Variants in MYH11 observed in about 807,000 individuals in gnomAD.
MYH11 encodes the protein myosin-11.
In MYH11, 80 loss-of-function variants were observed where a neutral mutation model predicts 246.6. That is an observed-to-expected ratio of 0.32 (90% CI 0.27 to 0.39). MYH11 has a LOEUF of 0.39. Ranked by LOEUF, MYH11 falls within the 10% of genes least tolerant of loss-of-function variation. The pLI, the probability that MYH11 is intolerant of heterozygous loss-of-function variation, is 1.00. For missense variants in MYH11, 2,158 were observed against 2,546.8 expected, an observed-to-expected ratio of 0.85 and a Z score of 3.29; for synonymous variants, 1,071 against 1,015.5, an observed-to-expected ratio of 1.05 and a Z score of -1.04.
chr16:15,782,291 G>A, intron 6 of MYH11, 94 bp downstream of exon 6: 1 of 1,028,728 alleles, frequency 9.7e-7, no homozygotes, highest in Non-Finnish European at 1.5e-6. Context: ...AGGGTCAGAT[G>A]CCCCTCCCAC....
intron 18 of MYH11, 64 bp from the exon 19 acceptor site, chr16:15,747,794 G>A (rs1359265162): frequency 6.2e-7 from 1 of 1,612,220 alleles, no homozygotes; most frequent in Non-Finnish European, 8.5e-7. Flanking sequence ...GTGATGACAT[G>A]GGTAAGAACG....
chr16:15,711,029 G>C (rs1271843900), intron 40 of MYH11: 2 of 152,286 alleles, frequency 1.3e-5, no homozygotes, highest in East Asian at 3.8e-4. Flanking sequence ...CCTCAACCCT[G>C]GGAGATGCTT....
At chr16:15,778,996 G>T in intron 6 of MYH11, 153 bp from the exon 7 acceptor site, 1 of 761,198 alleles carries the variant, frequency 1.3e-6, no homozygotes. Context: ...CAAGTTGTCA[G>T]GCGGAACCAA....
At chr16:15,710,812 G>T (rs917720447) in intron 40 of MYH11, among the ~76,000 whole-genome samples, 1 of 152,052 alleles carries the variant, frequency 6.6e-6, no homozygotes, top group Non-Finnish European at 1.5e-5. Context: ...CGAGTAGCTG[G>T]GATTACAGGC....
chr16:15,786,845 CAG>C, intron 4 of MYH11, 113 bp from the exon 5 acceptor site: 1 of 966,092 alleles, frequency 1.0e-6, no homozygotes, highest in Non-Finnish European at 1.6e-6. Flanking sequence ...GAGGGTGAAA[CAG>C]AGGCTCCCAG....
intron 10 of MYH11, 37 bp downstream of exon 10, chr16:15,763,759 C>CCCCCCAAAAA: frequency 8.7e-7 from 1 of 1,151,256 alleles, no homozygotes; most frequent in Non-Finnish European, 1.3e-6. Context: ...CCCCCCAACC[C>CCCCCCAAAAA]CAAAGTCATT....
At chr16:15,759,138 G>A (rs2041806469) in intron 12 of MYH11, among the ~76,000 whole-genome samples, 1 of 151,496 alleles carries the variant, frequency 6.6e-6, no homozygotes, top group Non-Finnish European at 1.5e-5. Flanking sequence ...AGGTGAGTAA[G>A]AGTCAGTGAG....
At chr16:15,761,261 C>G (rs2041861810) in intron 10 of MYH11, among the ~76,000 whole-genome samples, 1 of 152,014 alleles carries the variant, frequency 6.6e-6, no homozygotes, top group Non-Finnish European at 1.5e-5. Context: ...TAGGTGCCTG[C>G]CACCACACCC....
chr16:15,717,546 G>A lies in MYH11; in HGVS notation c.5296-198C>T, dbSNP rs151154296. 1.4e-4 allele frequency: 83 copies of A among 612,706 alleles called. No individual in the cohort carries two copies. The East Asian group carries it at 2.1e-3, about 15-fold the overall frequency. 38.0% of individuals were successfully genotyped at this position (612,706 alleles called of 1,614,324 possible). Reference sequence around the variant, plus strand: ...GTGGTGGCGCACGCCTGTAATCCCAGCACTTTTGGAAGCAGAGGCAGGTAA... The same window carrying A: ...GTGGTGGCGCACGCCTGTAATCCCAACACTTTTGGAAGCAGAGGCAGGTAA... On this transcript the variant is annotated intron_variant, in intron 37 of 40. Coordinates refer to ENST00000300036, the MANE Select transcript of MYH11 (RefSeq NM_002474.3).
chr16:15,743,197 C>G (rs571334907), intron 20 of MYH11, among the ~76,000 whole-genome samples: 2 of 152,078 alleles, frequency 1.3e-5, no homozygotes, highest in South Asian at 2.1e-4. Flanking sequence ...CAGGTGGAGT[C>G]TCGCCCTGTC....
At chr16:15,847,963 G>T (rs1235213602) in intron 1 of MYH11, among the ~76,000 whole-genome samples, 1 of 152,104 alleles carries the variant, frequency 6.6e-6, no homozygotes, top group East Asian at 1.9e-4. Context: ...GCGCAGTCAA[G>T]GTCAAATCCA....
chr16:15,715,193 G>A lies in MYH11; in HGVS notation c.5584C>T (p.Arg1862Cys), dbSNP rs757542362. The A allele has an allele frequency of 2.0e-5, 32 of 1,613,826 alleles. No individual in the cohort carries two copies. The highest frequency in any genetic ancestry group is 1.3e-5 in the African/African-American group (1 of 74,922). Residue 1862 changes from arginine (R) to cysteine (C), a missense_variant, in exon 39 of 41, where the codon CGC (arginine) becomes TGC (cysteine). Arg to Cys is a radical substitution (Grantham distance 180, BLOSUM62 -3). Around this residue, in one of 11 missense-constraint regions of MYH11, gnomAD observed 1,013 missense variants for 993.5 expected, o/e 1.02. Coordinates refer to ENST00000300036, the MANE Select transcript of MYH11 (RefSeq NM_002474.3). Reference protein sequence around the residue: ...KEILLQVEDERKMAEQYKEQA... With the variant: ...KEILLQVEDECKMAEQYKEQA... ...TCCTTGTACTGCTCGGCCATCTTGC[G>A]CTCGTCCTCCACCTGCAGCAAGATT...
At chr16:15,768,908 G>A (rs779475713) in intron 9 of MYH11, among the ~76,000 whole-genome samples, 4 of 152,084 alleles carry the variant, frequency 2.6e-5, no homozygotes, top group Non-Finnish European at 4.4e-5. Context: ...CACTTTGGGA[G>A]GCCAAGGTGG....
intron 28 of MYH11, chr16:15,726,366 TTTC>T (rs901763996): frequency 1.2e-5 from 2 of 169,196 alleles, no homozygotes; most frequent in Non-Finnish European, 2.5e-5. Context: ...AAGGGTTTTT[TTTC>T]TTTTTTTTTT....
At chr16:15,815,837 A>T (rs1426129128) in intron 3 of MYH11, among the ~76,000 whole-genome samples, 2 of 152,160 alleles carry the variant, frequency 1.3e-5, no homozygotes, top group Non-Finnish European at 2.9e-5. Context: ...AGGTGAATAT[A>T]ATCACACACA....
At chr16:15,725,556 C>T in intron 28 of MYH11, 1 of 408,828 alleles carries the variant, frequency 2.4e-6, no homozygotes, top group Non-Finnish European at 4.3e-6. Context: ...CTGCATAAGT[C>T]CCTTTGAGGC....
intron 27 of MYH11, among the ~76,000 whole-genome samples, chr16:15,729,761 G>A (rs1419442064): frequency 6.6e-6 from 1 of 152,126 alleles, no homozygotes; most frequent in African/African-American, 2.4e-5. Context: ...ATGTTGGCCA[G>A]ACTGGTCTCA....
At position 15,719,695 on chromosome 16, in the gene MYH11, G is replaced by C. The variant is rs766356741; in HGVS notation, c.4972C>G (p.Gln1658Glu). 6 of 1,614,160 alleles carry C rather than the reference G, an allele frequency of 3.7e-6. No individual in the cohort carries two copies. The highest frequency in any genetic ancestry group is 5.1e-6 in the Non-Finnish European group (6 of 1,180,038). Residue 1658 changes from glutamine (Q) to glutamate (E), a missense_variant, in exon 35 of 41, where the codon CAA becomes GAA. Physicochemically the swap from Gln to Glu is conservative, Grantham distance 29. This residue lies in a region of MYH11 where 1,013 missense variants were observed against 993.5 expected (regional missense o/e 1.02). Coordinates refer to ENST00000300036, the MANE Select transcript of MYH11 (RefSeq NM_002474.3). ...GCACGGGCATCTTCCAGCTCTCTTT[G>C]AAAGTCCTTCATCTGAGCCTGCATG... ...RKLQAQMKDFQRELEDARASR... is the reference protein window; with the variant it reads ...RKLQAQMKDFERELEDARASR...
chr16:15,721,622 C>T lies in MYH11; in HGVS notation c.4378G>A (p.Glu1460Lys), dbSNP rs2040489405. ...GCGTATTTGGAAGAGATGTTTTTCT[C>T]CTCGGCTAACAACTACAACACAAGA... ...QRKFDQLLAE[E>K]KNISSKYADE... Residue 1460 changes from glutamate to lysine, a missense_variant, in exon 32 of 41, where the codon GAG becomes AAG. By Grantham distance (56) the Glu-to-Lys change is moderately conservative. Coordinates refer to ENST00000300036, the MANE Select transcript of MYH11 (RefSeq NM_002474.3). 6.2e-7 allele frequency: 1 copy of T among 1,614,202 alleles called. No individual in the cohort carries two copies. The highest frequency in any genetic ancestry group is 1.1e-5 in the South Asian group (1 of 91,090).
Sources: allele counts gnomAD v4.1 joint callset (sites outside exome capture counted in the v4.1 genomes callset), GRCh38; gene constraint gnomAD v4.1.1; regional missense constraint gnomAD v4.1.1; transcripts MANE v1.5; gene names NCBI Gene and HGNC (gene_info 2026-07-23, HGNC 2026-07-21).